The following TET2 variants were observed in gnomAD, a reference collection of about 807,000 sequenced individuals.
TET2 encodes methylcytosine dioxygenase TET2.
A neutral mutation model predicts 142.9 loss-of-function variants in TET2; 299 were observed. The observed-to-expected ratio is 2.09, with a 90% CI of 1.90 to 2.30. The LOEUF (loss-of-function observed/expected upper bound fraction) is 2.30, where lower values mean the gene tolerates loss of function less well. Ranked by LOEUF, TET2 falls within the 30% of genes most tolerant of loss-of-function variation. The pLI is 0.00. For missense variants in TET2, 2,418 were observed against 2,378.0 expected (o/e 1.02, Z -0.35); for synonymous variants, 819 against 849.0 (o/e 0.96, Z 0.61).
At chr4:105,269,534 G>T in intron 8 of TET2, 76 bp from the exon 9 acceptor site, 4 of 1,463,308 alleles carry the variant, frequency 2.7e-6, no homozygotes, top group South Asian at 2.5e-5. Context: ...GTTCTAAATG[G>T]TCTAAATACT....
chr4:105,279,331 G>A lies in TET2; in HGVS notation c.*2812G>A. 1 of 232,220 alleles carries A rather than the reference G, an allele frequency of 4.3e-6. No individual in the cohort carries two copies. The highest frequency in any genetic ancestry group is 8.5e-6 in the Non-Finnish European group (1 of 117,462). The allele number at this position is 232,220 out of a possible 1,614,324, so 14.4% of individuals were successfully genotyped here. The stretch of plus-strand genomic sequence containing the variant: ...TTACATAAGGAAGAGAAGAAATTGA[G>A]TGGCATATTGTAAATATCAGATCTA... On this transcript the variant is annotated 3_prime_UTR_variant, in exon 11 of 11. Coordinates refer to ENST00000380013, the MANE Select transcript of TET2 (RefSeq NM_001127208.3).
At chr4:105,231,216 T>G (rs563135954) in intron 2 of TET2, among the ~76,000 whole-genome samples, 2 of 152,288 alleles carry the variant, frequency 1.3e-5, no homozygotes, top group African/African-American at 4.8e-5. Flanking sequence ...AATTTGTTTA[T>G]TTTTCCAAAT....
In TET2 at chr4:105,222,541, C is replaced by T. The variant is rs528541375; in HGVS notation, c.-46-11356C>T. Reference sequence around the variant, plus strand: ...TTGAGAAGTGTCTGTTCATGTGCTTCGCCCACTTTTTGATGGGATTGTTTG... The same window carrying T: ...TTGAGAAGTGTCTGTTCATGTGCTTTGCCCACTTTTTGATGGGATTGTTTG... On this transcript the variant is annotated intron_variant, in intron 2 of 10. Transcript: ENST00000380013. Among the ~76,000 whole-genome samples the T allele has an allele frequency of 3.3e-3, 495 of 152,272 alleles. 3 individuals are homozygous for T. The highest frequency in any genetic ancestry group is 0.011 in the African/African-American group (472 of 41,552).
At chr4:105,210,142 T>A (rs1304534197) in intron 2 of TET2, among the ~76,000 whole-genome samples, 2 of 152,156 alleles carry the variant, frequency 1.3e-5, no homozygotes, top group African/African-American at 4.8e-5. Flanking sequence ...AAGTAGAGTT[T>A]GAAGTGCCTA....
At chr4:105,225,184 T>C (rs898862110) in intron 2 of TET2, among the ~76,000 whole-genome samples, 2 of 47,582 alleles carry the variant, frequency 4.2e-5, no homozygotes, top group African/African-American at 1.4e-4. Flanking sequence ...TAGTAAAAAA[T>C]CGTGTGTGTG....
chr4:105,182,936 AT>A (rs1725205754), intron 1 of TET2, among the ~76,000 whole-genome samples: 1 of 152,208 alleles, frequency 6.6e-6, no homozygotes, highest in African/African-American at 2.4e-5. Flanking sequence ...GCTATAAATA[AT>A]TTATGACATA....
chr4:105,251,396 A>C (rs1729861334), intron 6 of TET2, among the ~76,000 whole-genome samples: 1 of 152,222 alleles, frequency 6.6e-6, no homozygotes, highest in Non-Finnish European at 1.5e-5. Flanking sequence ...TGTCAAGTTC[A>C]GAAGTTCCCT....
At chr4:105,160,264 T>A (rs1388685715) in intron 1 of TET2, among the ~76,000 whole-genome samples, 3 of 152,192 alleles carry the variant, frequency 2.0e-5, no homozygotes, top group Non-Finnish European at 4.4e-5. Flanking sequence ...ATTTAGGGAA[T>A]GTGCCTCCTA....
chr4:105,172,950 T>A (rs935018323), intron 1 of TET2, among the ~76,000 whole-genome samples: 3 of 152,208 alleles, frequency 2.0e-5, no homozygotes, highest in African/African-American at 7.2e-5. Context: ...GCTATGCTGC[T>A]ACTCTCTTAT....
chr4:105,272,760 CA>C lies in TET2; in HGVS notation c.4380del (p.Val1461SerfsTer9). 6.4e-7 allele frequency: 1 copy of C among 1,551,636 alleles called. No homozygotes were observed. Among genetic ancestry groups the C allele is most frequent in the Non-Finnish European group, 8.7e-7 (1 of 1,146,968 alleles). ...CGAAAAGTCAGGATGTTAGCAGAGC[CA>C]GTCAAGACTTGCCGACAAAGGAAAC... ...FRRKVRMLAE[P>X]VKTCRQRKLE... On this transcript the variant is annotated frameshift_variant, in exon 10 of 11. Transcript: ENST00000380013. LOFTEE classifies it high-confidence loss of function.
intron 1 of TET2, among the ~76,000 whole-genome samples, chr4:105,152,974 G>T (rs1213798774): frequency 3.9e-5 from 6 of 151,932 alleles, no homozygotes; most frequent in Admixed American, 3.9e-4. Context: ...GTAATGGTGT[G>T]TTTTCCTTAC....
Position 105,272,736 on chromosome 4 carries a change from G to A in TET2, c.4355G>A (p.Arg1452Gln), listed in dbSNP as rs1443872036. ...GAIQVLSSFR[R>Q]KVRMLAEPVK... is the part of the protein sequence containing the mutation. Reference sequence around the variant, plus strand: ...ATTCAGGTACTGAGTTCTTTTCGGCGAAAAGTCAGGATGTTAGCAGAGCCA... The same window carrying A: ...ATTCAGGTACTGAGTTCTTTTCGGCAAAAAGTCAGGATGTTAGCAGAGCCA... The change falls in exon 10 of 11, where the codon CGA becomes CAA. Residue 1452 changes from arginine to glutamine, a missense_variant. Transcript: ENST00000380013. 11 of 1,551,534 alleles carry A rather than the reference G, an allele frequency of 7.1e-6. No individual in the cohort carries two copies. In the Admixed American group the frequency reaches 7.8e-5, roughly 11 times the overall value.
intron 2 of TET2, among the ~76,000 whole-genome samples, chr4:105,209,241 A>G (rs1472323942): frequency 6.6e-6 from 1 of 151,250 alleles, no homozygotes; most frequent in East Asian, 1.9e-4. Context: ...CTGATTAATA[A>G]CGTTTAAGGT....
chr4:105,221,160 C>T (rs1261074626), intron 2 of TET2, among the ~76,000 whole-genome samples: 3 of 151,994 alleles, frequency 2.0e-5, no homozygotes, highest in African/African-American at 7.3e-5. Context: ...ATTATCGTTT[C>T]CTTCAGTACA....
At chr4:105,157,488 T>C (rs1414199223) in intron 1 of TET2, among the ~76,000 whole-genome samples, 1 of 152,190 alleles carries the variant, frequency 6.6e-6, no homozygotes, top group African/African-American at 2.4e-5. Context: ...AAAACAAGGT[T>C]GTATTTTAAT....
chr4:105,177,098 A>G (rs147908877), intron 1 of TET2, among the ~76,000 whole-genome samples: 197 of 152,356 alleles, frequency 1.3e-3, no homozygotes, highest in Non-Finnish European at 2.6e-3. Flanking sequence ...AATTGAGTGT[A>G]AACACAGATC....
At chr4:105,252,494 G>C (rs904674145) in intron 6 of TET2, among the ~76,000 whole-genome samples, 295 of 152,278 alleles carry the variant, frequency 1.9e-3, no homozygotes, top group African/African-American at 6.9e-3. Flanking sequence ...GTAGGTTTTT[G>C]TGTGGACAAA....
At chr4:105,263,126 A>G (rs765612379) in intron 8 of TET2, among the ~76,000 whole-genome samples, 3 of 152,166 alleles carry the variant, frequency 2.0e-5, no homozygotes, top group Non-Finnish European at 4.4e-5. Context: ...CAGCTGGAAT[A>G]GAAGAATGTG....
intron 1 of TET2, among the ~76,000 whole-genome samples, chr4:105,177,074 A>T (rs867030354): frequency 3.0e-4 from 45 of 152,324 alleles, no homozygotes; most frequent in African/African-American, 9.4e-4. Flanking sequence ...AACAACAAAA[A>T]TTTTTTAAAT....
Sources: gnomAD v4.1 joint callset for allele counts (sites outside exome capture counted in the v4.1 genomes callset) on GRCh38, gnomAD v4.1.1 for gene constraint, MANE v1.5 for transcripts, NCBI Gene and HGNC (gene_info 2026-07-23, HGNC 2026-07-21) for gene names.